The following NXPE1 variants were observed in gnomAD, a reference collection of about 807,000 sequenced individuals.
NXPE1 encodes NXPE family member 1.
Under a neutral mutation model 33.3 loss-of-function variants are expected in NXPE1, and 31 were observed. That is an observed-to-expected ratio of 0.93 (90% CI 0.70 to 1.26). The LOEUF (loss-of-function observed/expected upper bound fraction) is 1.26. NXPE1 is among the 50% of genes most tolerant of loss of function. The probability of loss-of-function intolerance (pLI) is 0.00; values close to 1 mark genes in which losing one functional copy is unlikely to be tolerated. For synonymous variants in NXPE1, 229 were observed against 231.4 expected (o/e 0.99, Z 0.09); for missense variants, 661 against 655.6 (o/e 1.01, Z -0.09).
At chr11:114,537,401 A>G (rs1282396431) in intron 5 of NXPE1, among the ~76,000 whole-genome samples, 1 of 152,210 alleles carries the variant, frequency 6.6e-6, no homozygotes. Context: ...CAACACTCCT[A>G]TTCAACATAG....
In NXPE1 at chr11:114,522,516, C is replaced by G. The variant is rs777818747; in HGVS notation, c.1109-13G>C. 76 of 1,555,516 alleles carry G rather than the reference C, an allele frequency of 4.9e-5. No individual in the cohort carries two copies. The highest frequency in any genetic ancestry group is 6.4e-5 in the Non-Finnish European group (73 of 1,147,962). ...AAAAACTTCAGTGCTGATAAAAAAA[C>G]AAATAGATGTTTTAAATAGAAGATA... On this transcript the variant is annotated splice_polypyrimidine_tract_variant and intron_variant, in intron 8 of 8. Coordinates refer to ENST00000534921, the Ensembl canonical transcript of NXPE1.
chr11:114,537,411 G>C (rs1370148071), intron 5 of NXPE1, among the ~76,000 whole-genome samples: 1 of 152,154 alleles, frequency 6.6e-6, no homozygotes, highest in African/African-American at 2.4e-5. Context: ...ATTCAACATA[G>C]GGTTGGAAGT....
chr11:114,553,317 G>A (rs1445648822), intron 1 of NXPE1, among the ~76,000 whole-genome samples: 1 of 152,156 alleles, frequency 6.6e-6, no homozygotes, highest in Non-Finnish European at 1.5e-5. Flanking sequence ...CATTCGAGAG[G>A]AGAATCACCT....
intron 5 of NXPE1, among the ~76,000 whole-genome samples, chr11:114,532,098 A>G (rs1412102633): frequency 6.6e-6 from 1 of 152,124 alleles, no homozygotes; most frequent in Non-Finnish European, 1.5e-5. Flanking sequence ...AACACATATA[A>G]AGCTTTGAAA....
downstream of NXPE1, among the ~76,000 whole-genome samples, chr11:114,521,431 C>T (rs1402999003): frequency 6.6e-6 from 1 of 152,084 alleles, no homozygotes; most frequent in Non-Finnish European, 1.5e-5. Context: ...GATATGATTC[C>T]ATTTGTCTTT....
chr11:114,559,042 T>G (rs1190142669), intron 1 of NXPE1, among the ~76,000 whole-genome samples: 1 of 152,192 alleles, frequency 6.6e-6, no homozygotes, highest in African/African-American at 2.4e-5. Flanking sequence ...TATGAAGAGC[T>G]CTTAAAAACA....
At chr11:114,534,340 C>A (rs1469678005) in intron 5 of NXPE1, among the ~76,000 whole-genome samples, 1 of 152,182 alleles carries the variant, frequency 6.6e-6, no homozygotes, top group Non-Finnish European at 1.5e-5. Context: ...GGGGAAAAAA[C>A]AGAGCAGAAA....
exon 9 of NXPE1, chr11:114,522,482 TGAA>T (rs1947243808): frequency 6.2e-7 from 1 of 1,601,908 alleles, no homozygotes; most frequent in Admixed American, 1.7e-5. Context: ...TCCAGTTTCA[TGAA>T]GATCAAAAAA....
intron 1 of NXPE1, among the ~76,000 whole-genome samples, chr11:114,553,371 T>A (rs1422571886): frequency 6.6e-6 from 1 of 152,118 alleles, no homozygotes; most frequent in Non-Finnish European, 1.5e-5. Context: ...TGTCACAAGA[T>A]CCCAGTCCTG....
At chr11:114,526,660 A>G (rs1481224430) in intron 7 of NXPE1, 1 of 152,182 alleles carries the variant, frequency 6.6e-6, no homozygotes, top group African/African-American at 2.4e-5. Context: ...TGCTCACCCC[A>G]TTGGCCTATT....
In NXPE1 at chr11:114,550,252, T is replaced by TA. The variant is rs1201450651; in HGVS notation, c.99+850dup. On this transcript the variant is annotated intron_variant, in intron 5 of 8. Coordinates refer to ENST00000534921, the Ensembl canonical transcript of NXPE1. ...GAAAGGATAAGTGAAAGAGAATAGTTACAAAACGTATGGGGAATAGAAAAG... is the reference window on the plus strand; with the variant it reads ...GAAAGGATAAGTGAAAGAGAATAGTTAACAAAACGTATGGGGAATAGAAAAG... Among the ~76,000 whole-genome samples the TA allele has an allele frequency of 2.0e-5, 3 of 152,266 alleles. No individual in the cohort carries two copies. The East Asian group carries it at 5.8e-4, about 29-fold the overall frequency.
chr11:114,554,277 T>C, intron 1 of NXPE1: 3 of 975,982 alleles, frequency 3.1e-6, no homozygotes, highest in Non-Finnish European at 3.7e-6. Flanking sequence ...GGACACTGAG[T>C]TCTCTGATAT....
At chr11:114,524,038 A>G (rs926002075) in intron 7 of NXPE1, among the ~76,000 whole-genome samples, 2 of 152,322 alleles carry the variant, frequency 1.3e-5, no homozygotes, top group South Asian at 2.1e-4. Flanking sequence ...TGTTCCTTCT[A>G]TGTTGTGGCT....
chr11:114,551,031 G>T, intron 5 of NXPE1, 72 bp downstream of exon 5: 1 of 775,564 alleles, frequency 1.3e-6, no homozygotes, highest in Non-Finnish European at 2.2e-6. Flanking sequence ...TAATGGAGTG[G>T]GACTGACTTG....
At chr11:114,521,884 TA>T in exon 9 of NXPE1, 5 of 1,094,544 alleles carry the variant, frequency 4.6e-6, no homozygotes, top group Non-Finnish European at 6.7e-6. Flanking sequence ...CCTTAGTTCC[TA>T]AAATGAGTAA....
chr11:114,535,348 C>G lies in NXPE1; in HGVS notation c.100-4440G>C, dbSNP rs140580121. On this transcript the variant is annotated intron_variant, in intron 5 of 8. Coordinates refer to ENST00000534921, the Ensembl canonical transcript of NXPE1. The stretch of plus-strand genomic sequence containing the variant: ...AAACAAGCCAAATTGTAAAGAATAT[C>G]AAGGCTAGGAAGAAACTACATCAAC... Among the ~76,000 whole-genome samples the G allele has an allele frequency of 1.4e-3, 215 of 152,270 alleles. 1 individual carries two copies. The East Asian group carries it at 0.026, about 19-fold the overall frequency.
At position 114,538,472 on chromosome 11, in the gene NXPE1, C is replaced by T. The variant is rs1348727695; in HGVS notation, c.100-7564G>A. ...AGAGCTTCTGCACAGCAAAAGAAAC[C>T]ACCATCAGAGTGAACAGGCAACCTA... On this transcript the variant is annotated intron_variant, in intron 5 of 8. Transcript: ENST00000534921. 1.7e-4 allele frequency among the ~76,000 whole-genome samples: 26 copies of T among 152,142 alleles called. No homozygotes were observed. In the East Asian group the frequency reaches 4.8e-3, roughly 28 times the overall value.
At chr11:114,553,340 A>G (rs917549871) in intron 1 of NXPE1, among the ~76,000 whole-genome samples, 1 of 152,130 alleles carries the variant, frequency 6.6e-6, no homozygotes, top group Non-Finnish European at 1.5e-5. Flanking sequence ...GGCTGAATCT[A>G]CCTATCTTGG....
chr11:114,553,192 A>C (rs1948559257), intron 1 of NXPE1, among the ~76,000 whole-genome samples: 1 of 152,178 alleles, frequency 6.6e-6, no homozygotes, highest in Non-Finnish European at 1.5e-5. Context: ...GTGCTCTTAT[A>C]GTCTCGTATG....
Sources: allele counts gnomAD v4.1 joint callset (sites outside exome capture counted in the v4.1 genomes callset), GRCh38; gene constraint gnomAD v4.1.1; transcripts MANE v1.5; gene names NCBI Gene and HGNC (gene_info 2026-07-23, HGNC 2026-07-21).